SHANK2: variants seen among roughly 807,000 people sequenced by gnomAD.
The protein encoded by SHANK2 is SH3 and multiple ankyrin repeat domains 2, also known as SH3 and multiple ankyrin repeat domains protein 2.
Under a neutral mutation model 133.7 loss-of-function variants are expected in SHANK2, and 43 were observed. The ratio of observed to expected loss-of-function variants is 0.32; its 90% CI spans 0.25 to 0.41. The LOEUF is 0.41. Ranked by LOEUF, SHANK2 falls within the 10% of genes least tolerant of loss-of-function variation. The pLI is 1.00. For missense variants in SHANK2, 1,994 were observed against 2,235.8 expected (o/e 0.89, Z 2.18); for synonymous variants, 1,017 against 952.8 (o/e 1.07, Z -1.24).
intron 10 of SHANK2, among the ~76,000 whole-genome samples, chr11:70,912,701 C>T (rs994025925): frequency 2.6e-5 from 4 of 152,180 alleles, no homozygotes; most frequent in Admixed American, 6.5e-5. Context: ...CTGCAAGAAA[C>T]GTCACACTCA....
chr11:71,166,790 C>CTT (rs782779412), intron 2 of SHANK2, among the ~76,000 whole-genome samples: 1 of 137,774 alleles, frequency 7.3e-6, no homozygotes, highest in Non-Finnish European at 1.6e-5. Context: ...GCCCACACTT[C>CTT]TTTTTTTTTT....
chr11:71,164,995 C>T (rs1346957258), intron 2 of SHANK2, among the ~76,000 whole-genome samples: 1 of 151,992 alleles, frequency 6.6e-6, no homozygotes, highest in Non-Finnish European at 1.5e-5. Flanking sequence ...TGTGGGAACC[C>T]AGCTGTCCTT....
chr11:70,869,544 T>C (rs782605837), intron 11 of SHANK2, among the ~76,000 whole-genome samples: 83 of 152,244 alleles, frequency 5.5e-4, no homozygotes, highest in Non-Finnish European at 1.1e-3. Context: ...TGGCAGGCTG[T>C]CTGTCCCACC....
At chr11:70,789,974 C>T (rs1947753603) in intron 14 of SHANK2, among the ~76,000 whole-genome samples, 3 of 152,226 alleles carry the variant, frequency 2.0e-5, no homozygotes, top group Non-Finnish European at 4.4e-5. Flanking sequence ...AAACAGAGAG[C>T]CCTGGCCTGA....
chr11:70,889,824 G>A (rs1219039673), intron 11 of SHANK2, among the ~76,000 whole-genome samples: 1 of 152,188 alleles, frequency 6.6e-6, no homozygotes, highest in East Asian at 1.9e-4. Flanking sequence ...CTGTCTTAGG[G>A]GCGGATGCCA....
At chr11:70,949,016 G>T (rs1411299403) in intron 10 of SHANK2, among the ~76,000 whole-genome samples, 1 of 152,188 alleles carries the variant, frequency 6.6e-6, no homozygotes, top group African/African-American at 2.4e-5. Context: ...CCCGGGCCCA[G>T]ACTCACTGCC....
At chr11:70,948,957 G>A (rs1445198485) in intron 10 of SHANK2, among the ~76,000 whole-genome samples, 1 of 152,114 alleles carries the variant, frequency 6.6e-6, no homozygotes, top group African/African-American at 2.4e-5. Context: ...GACGGCCGAC[G>A]GTGAACTTTA....
chr11:71,174,456 C>T (rs1238364300), intron 2 of SHANK2, among the ~76,000 whole-genome samples: 7 of 151,768 alleles, frequency 4.6e-5, no homozygotes, highest in South Asian at 2.1e-4. Context: ...CCGAGGCAGG[C>T]GGATCACGAG....
intron 2 of SHANK2, among the ~76,000 whole-genome samples, chr11:71,207,755 C>G (rs1370702635): frequency 2.0e-5 from 3 of 152,168 alleles, no homozygotes; most frequent in Admixed American, 2.0e-4. Context: ...TCTTCCAGTC[C>G]TCGCTTCCAG....
rs1444212666 is a variant in SHANK2 at position 70,670,202 on chromosome 11, C to T, written c.1854-8524G>A. ...GCAGGGAAGGGCCTGAGAGCAGCTT[C>T]GCTAAATCATTCCTGGTATAATCGC... On this transcript the variant is annotated intron_variant, in intron 15 of 25. Coordinates refer to ENST00000601538, the MANE Select transcript of SHANK2 (RefSeq NM_012309.5). Among the ~76,000 whole-genome samples, 4 of 152,158 alleles carry T rather than the reference C, an allele frequency of 2.6e-5. No homozygotes were observed. In the East Asian group the frequency reaches 5.8e-4, roughly 22 times the overall value.
intron 2 of SHANK2, among the ~76,000 whole-genome samples, chr11:71,173,060 G>A (rs1555112522): frequency 6.6e-6 from 1 of 152,250 alleles, no homozygotes; most frequent in Non-Finnish European, 1.5e-5. Context: ...TCTCTTAGCA[G>A]GGAAAGGCAG....
intron 17 of SHANK2, among the ~76,000 whole-genome samples, chr11:70,508,017 G>A (rs2059156657): frequency 6.6e-6 from 1 of 152,212 alleles, no homozygotes; most frequent in Admixed American, 6.5e-5. Context: ...TCCAGGGTAT[G>A]GTTTAGATTC....
chr11:71,063,087 G>T (rs1194857677), intron 9 of SHANK2, among the ~76,000 whole-genome samples: 1 of 150,026 alleles, frequency 6.7e-6, no homozygotes, highest in Non-Finnish European at 1.5e-5. Context: ...AAGAGAAAGA[G>T]AAAGACAGGG....
At chr11:70,863,757 G>T in intron 11 of SHANK2, 1 of 450,342 alleles carries the variant, frequency 2.2e-6, no homozygotes, top group Non-Finnish European at 4.5e-6. Context: ...TCTTTAAAGT[G>T]GAGTCACTCA....
intron 14 of SHANK2, among the ~76,000 whole-genome samples, chr11:70,794,288 A>C (rs564722903): frequency 6.6e-6 from 1 of 151,708 alleles, no homozygotes; most frequent in South Asian, 2.1e-4. Flanking sequence ...GAAAAAAAAA[A>C]AAAAACAACA....
At chr11:70,602,257 A>G (rs1554991228) in intron 17 of SHANK2, among the ~76,000 whole-genome samples, 1 of 152,190 alleles carries the variant, frequency 6.6e-6, no homozygotes, top group Non-Finnish European at 1.5e-5. Context: ...CAGAACTGTG[A>G]GCCAATTACA....
In SHANK2 at chr11:70,501,036, T is replaced by C. The variant is rs556858192; in HGVS notation, c.2288-446A>G. 4.8e-5 allele frequency among the ~76,000 whole-genome samples: 7 copies of C among 146,110 alleles called. No homozygotes were observed. The South Asian group carries it at 1.4e-3, about 30-fold the overall frequency. On this transcript the variant is annotated intron_variant, in intron 20 of 25. Transcript: ENST00000601538. ...CACCCCTTGCAAAGATGAGAGCTGC[T>C]AGGCTTGTCCCTCTGGGGAGCCCCA...
At chr11:70,872,724 G>A (rs1225786902) in intron 11 of SHANK2, among the ~76,000 whole-genome samples, 2 of 152,092 alleles carry the variant, frequency 1.3e-5, no homozygotes, top group Non-Finnish European at 2.9e-5. Context: ...GCCACCTGCG[G>A]GTCCCTGTTT....
rs555077050 is a variant in SHANK2, at chr11:70,804,521, C to T, written c.1663+2481G>A. Among the ~76,000 whole-genome samples the T allele has an allele frequency of 4.6e-4, 70 of 152,270 alleles. No homozygotes were observed. The highest frequency in any genetic ancestry group is 1.6e-3 in the African/African-American group (66 of 41,576). On this transcript the variant is annotated intron_variant, in intron 13 of 25. Transcript: ENST00000601538. This position sits in a 1 kb window ranked among gnomAD's most constrained non-coding sequence, Gnocchi z 4.1. ...TTCTCCCTGGGAGAAAGGCCCAGCT[C>T]CCCGCACGCCCCACGCTCCTGCGAG...
Sources: allele counts gnomAD v4.1 joint callset (sites outside exome capture counted in the v4.1 genomes callset), GRCh38; gene constraint gnomAD v4.1.1; non-coding constraint Gnocchi (gnomAD v3.1); transcripts MANE v1.5; gene names NCBI Gene and HGNC (gene_info 2026-07-23, HGNC 2026-07-21).